The following RPS6KA2 variants were observed in gnomAD, a reference collection of about 807,000 sequenced individuals.
The protein encoded by RPS6KA2 is ribosomal protein S6 kinase A2, also known as ribosomal protein S6 kinase alpha-2.
In RPS6KA2, 42 loss-of-function variants were observed where a neutral mutation model predicts 91.8. The observed-to-expected ratio is 0.46, with a 90% CI of 0.36 to 0.59. The LOEUF is 0.59. Ranked by LOEUF, RPS6KA2 falls within the 20% of genes least tolerant of loss-of-function variation. RPS6KA2 has a pLI of 0.00. For synonymous variants in RPS6KA2, 414 were observed against 393.6 expected (o/e 1.05, Z -0.61); for missense variants, 798 against 978.5 (o/e 0.82, Z 2.46).
intron 2 of RPS6KA2, among the ~76,000 whole-genome samples, chr6:166,691,604 C>T (rs1789208220): frequency 6.6e-6 from 1 of 152,144 alleles, no homozygotes; most frequent in Non-Finnish European, 1.5e-5. Flanking sequence ...AGCTCCGACC[C>T]TCTCCGTGAT....
intron 13 of RPS6KA2, among the ~76,000 whole-genome samples, chr6:166,449,697 C>T (rs1779789974): frequency 6.6e-6 from 1 of 152,128 alleles, no homozygotes; most frequent in Admixed American, 6.6e-5. Flanking sequence ...AGGGCTTTAC[C>T]TTCCCTCTTT....
chr6:166,676,490 G>T (rs1299428140), intron 2 of RPS6KA2, among the ~76,000 whole-genome samples: 1 of 152,128 alleles, frequency 6.6e-6, no homozygotes, highest in Non-Finnish European at 1.5e-5. Context: ...CCCTCTAGCG[G>T]CTCGGCTCCC....
rs114061189 is a variant in RPS6KA2, at chr6:166,825,946, C to T, written c.123+32254G>A. Among the ~76,000 whole-genome samples the T allele has an allele frequency of 6.6e-5, 10 of 152,118 alleles. No homozygotes were observed. The highest frequency in any genetic ancestry group is 9.7e-5 in the African/African-American group (4 of 41,408). On this transcript the variant is annotated intron_variant, in intron 2 of 21. Coordinates refer to the RPS6KA2 transcript ENST00000503859. This position sits in a 1 kb window ranked among gnomAD's most constrained non-coding sequence, Gnocchi z 4.1. ...CTGTCATCTGAGCTCCTGCCTTTCA[C>T]GTCAACATTTGTGAGTAGAAAGTAA...
At chr6:166,677,475 C>G (rs76301448) in intron 2 of RPS6KA2, among the ~76,000 whole-genome samples, 4,678 of 151,976 alleles carry the variant, frequency 0.031, 106 homozygotes, top group Non-Finnish European at 0.042. Context: ...ACCCTCTTGC[C>G]TCAGCCTTCC....
chr6:166,679,852 C>T (rs143898500), intron 2 of RPS6KA2, among the ~76,000 whole-genome samples: 105 of 152,358 alleles, frequency 6.9e-4, no homozygotes, highest in East Asian at 3.3e-3. Flanking sequence ...CCGCACTCAG[C>T]GCGGTTGGCC....
chr6:166,531,385 G>T, intron 2 of RPS6KA2, 72 bp from the exon 3 acceptor site: 2 of 1,141,106 alleles, frequency 1.8e-6, no homozygotes, highest in Non-Finnish European at 2.7e-6. Context: ...GATTTGACAA[G>T]GGGATACACA....
chr6:166,570,351 T>C (rs1224542070), intron 1 of RPS6KA2, among the ~76,000 whole-genome samples: 2 of 152,198 alleles, frequency 1.3e-5, no homozygotes, highest in Non-Finnish European at 2.9e-5. Flanking sequence ...TCCACTGTCC[T>C]GCATGCCCCG....
chr6:166,566,197 G>A (rs1784497458), intron 1 of RPS6KA2, among the ~76,000 whole-genome samples: 1 of 152,208 alleles, frequency 6.6e-6, no homozygotes, highest in Non-Finnish European at 1.5e-5. Flanking sequence ...CTGGGCGCAG[G>A]CTGCTACTGC....
At position 166,435,327 on chromosome 6, in the gene RPS6KA2, C is replaced by G. The variant is rs1257611972; in HGVS notation, c.1333-2837G>C. 1.3e-5 allele frequency among the ~76,000 whole-genome samples: 2 copies of G among 152,198 alleles called. No individual in the cohort carries two copies. The highest frequency in any genetic ancestry group is 6.5e-5 in the Admixed American group (1 of 15,284). On this transcript the variant is annotated intron_variant, in intron 14 of 20. Coordinates refer to ENST00000265678, the MANE Select transcript of RPS6KA2 (RefSeq NM_021135.6). This position sits in a 1 kb window ranked among gnomAD's most constrained non-coding sequence, Gnocchi z 4.3. ...AAACTATCTTAAATTGTAATAAAAG[C>G]TAGCATGTATGTGCACATGTGAGGC...
chr6:166,743,030 A>G (rs1790859266), intron 2 of RPS6KA2, among the ~76,000 whole-genome samples: 2 of 152,246 alleles, frequency 1.3e-5, no homozygotes. Flanking sequence ...ACTTCCCCAA[A>G]GACACTCTGG....
intron 2 of RPS6KA2, among the ~76,000 whole-genome samples, chr6:166,740,267 C>A (rs1184113543): frequency 1.3e-5 from 2 of 152,196 alleles, no homozygotes; most frequent in African/African-American, 4.8e-5. Flanking sequence ...TCAAAATGAA[C>A]AAGCTGCCCT....
At chr6:166,454,505 A>C (rs6936278) in intron 12 of RPS6KA2, among the ~76,000 whole-genome samples, 1 of 146,172 alleles carries the variant, frequency 6.8e-6, no homozygotes, top group African/African-American at 2.8e-5. Flanking sequence ...CTCAAACAAA[A>C]CAAAACAAAA....
intron 3 of RPS6KA2, among the ~76,000 whole-genome samples, chr6:166,510,758 A>G (rs181999152): frequency 6.6e-6 from 1 of 151,338 alleles, no homozygotes; most frequent in East Asian, 2.0e-4. Context: ...CACTCCATGA[A>G]ACATCTAACA....
intron 2 of RPS6KA2, among the ~76,000 whole-genome samples, chr6:166,848,713 A>G (rs1780664376): frequency 6.6e-6 from 1 of 151,878 alleles, no homozygotes; most frequent in Admixed American, 6.6e-5. Flanking sequence ...GAGAACACGA[A>G]GGCATAAGAA....
At chr6:166,710,432 G>A (rs187447388) in intron 2 of RPS6KA2, among the ~76,000 whole-genome samples, 1 of 152,132 alleles carries the variant, frequency 6.6e-6, no homozygotes, top group East Asian at 1.9e-4. Context: ...ACGAGTGTGT[G>A]TGTGTATGTG....
At chr6:166,855,290 C>A (rs1780857585) in intron 2 of RPS6KA2, among the ~76,000 whole-genome samples, 1 of 151,862 alleles carries the variant, frequency 6.6e-6, no homozygotes, top group Non-Finnish European at 1.5e-5. Flanking sequence ...CACAATATAT[C>A]CACATAACGA....
chr6:166,755,145 T>G (rs906927767), intron 2 of RPS6KA2, among the ~76,000 whole-genome samples: 3 of 152,204 alleles, frequency 2.0e-5, no homozygotes, highest in Non-Finnish European at 4.4e-5. Context: ...GAAGGGTGGC[T>G]TGGAGGTTTG....
chr6:166,455,235 C>T (rs1403417851), intron 12 of RPS6KA2, among the ~76,000 whole-genome samples: 1 of 151,988 alleles, frequency 6.6e-6, no homozygotes, highest in Admixed American at 6.6e-5. Context: ...GCAGAGAACA[C>T]GTGTTTTGTT....
chr6:166,506,262 T>G (rs1320463606), intron 5 of RPS6KA2, among the ~76,000 whole-genome samples: 1 of 152,190 alleles, frequency 6.6e-6, no homozygotes, highest in East Asian at 1.9e-4. Flanking sequence ...ACTTCCCTCC[T>G]ACTCCGAAAT....
Sources: gnomAD v4.1 joint callset for allele counts (sites outside exome capture counted in the v4.1 genomes callset) on GRCh38, gnomAD v4.1.1 for gene constraint, Gnocchi (gnomAD v3.1) non-coding constraint, MANE v1.5 for transcripts, NCBI Gene and HGNC (gene_info 2026-07-23, HGNC 2026-07-21) for gene names.